SNTG1: variants seen among roughly 807,000 people sequenced by gnomAD.
The protein encoded by SNTG1 is gamma-1-syntrophin.
A neutral mutation model predicts 74.7 loss-of-function variants in SNTG1; 39 were observed. That is an observed-to-expected ratio of 0.52 (90% CI 0.40 to 0.68). SNTG1 has a LOEUF of 0.68. SNTG1 is among the 30% of genes least tolerant of loss of function. SNTG1 has a pLI of 0.00. For missense variants in SNTG1, 685 were observed against 609.5 expected (o/e 1.12, Z -1.30); for synonymous variants, 254 against 217.1 (o/e 1.17, Z -1.49).
chr8:49,976,514 C>T lies in SNTG1; in HGVS notation c.-103+64283C>T, dbSNP rs149373325. On this transcript the variant is annotated intron_variant, in intron 1 of 18. Transcript: ENST00000642720. Reference sequence around the variant, plus strand: ...GATAGGAGGAACAGGAAATAAGAAACAGAAATAGCCTGTGGAGTGTTCCTG... The same window carrying T: ...GATAGGAGGAACAGGAAATAAGAAATAGAAATAGCCTGTGGAGTGTTCCTG... 8.1e-3 allele frequency among the ~76,000 whole-genome samples: 1,230 copies of T among 152,200 alleles called. 8 individuals carry two copies. Among genetic ancestry groups the T allele is most frequent in the Non-Finnish European group, 0.014 (961 of 68,008 alleles).
chr8:50,132,670 C>G (rs1029827120), intron 1 of SNTG1, among the ~76,000 whole-genome samples: 11 of 152,166 alleles, frequency 7.2e-5, no homozygotes, highest in Admixed American at 7.2e-4. Flanking sequence ...CCAAGTAGGT[C>G]CCATTGGACA....
At chr8:50,646,963 G>A (rs565763493) in intron 13 of SNTG1, among the ~76,000 whole-genome samples, 8 of 152,188 alleles carry the variant, frequency 5.3e-5, no homozygotes, top group East Asian at 1.9e-4. Flanking sequence ...AACAAAAAAG[G>A]TGATGTTTTC....
intron 2 of SNTG1, among the ~76,000 whole-genome samples, chr8:50,242,558 T>C (rs1021211304): frequency 2.8e-5 from 4 of 144,082 alleles, no homozygotes; most frequent in Admixed American, 2.1e-4. Flanking sequence ...CACCAGGAAA[T>C]GTATTGTATT....
At chr8:50,011,722 T>C (rs1359782253) in intron 1 of SNTG1, 1 of 152,194 alleles carries the variant, frequency 6.6e-6, no homozygotes, top group Non-Finnish European at 1.5e-5. Context: ...TATCACTGTT[T>C]TAATGTCAAT....
chr8:50,762,619 C>T, intron 18 of SNTG1: 1 of 426,278 alleles, frequency 2.3e-6, no homozygotes, highest in Non-Finnish European at 4.7e-6. Context: ...TATCCTCTCC[C>T]CAGGTGATGC....
chr8:50,736,335 G>A (rs1047034909), intron 17 of SNTG1, among the ~76,000 whole-genome samples: 1 of 151,420 alleles, frequency 6.6e-6, no homozygotes, highest in African/African-American at 2.4e-5. Flanking sequence ...ACAAAGAAGG[G>A]CATTACATAA....
chr8:50,171,200 A>G (rs2131647486), intron 1 of SNTG1, among the ~76,000 whole-genome samples: 1 of 152,262 alleles, frequency 6.6e-6, no homozygotes, highest in East Asian at 1.9e-4. Flanking sequence ...GAGGGACAGG[A>G]CTAATAGGAA....
intron 13 of SNTG1, among the ~76,000 whole-genome samples, chr8:50,624,412 T>A (rs1431463978): frequency 2.0e-5 from 3 of 152,068 alleles, no homozygotes; most frequent in African/African-American, 7.2e-5. Context: ...TCTGCTCATA[T>A]GTCAAGAATT....
chr8:50,649,128 A>G (rs1297276833), intron 13 of SNTG1, among the ~76,000 whole-genome samples: 1 of 152,180 alleles, frequency 6.6e-6, no homozygotes, highest in East Asian at 1.9e-4. Flanking sequence ...TATTGGTGGC[A>G]CAGTTTATTG....
At chr8:50,048,754 A>T (rs969208693) in intron 1 of SNTG1, among the ~76,000 whole-genome samples, 13 of 152,134 alleles carry the variant, frequency 8.5e-5, no homozygotes, top group African/African-American at 2.9e-4. Flanking sequence ...GTTTGACCTT[A>T]TCATTAATAT....
At chr8:50,404,962 A>G (rs2092852972) in intron 4 of SNTG1, among the ~76,000 whole-genome samples, 1 of 152,106 alleles carries the variant, frequency 6.6e-6, no homozygotes, top group Non-Finnish European at 1.5e-5. Context: ...AGGATCATCC[A>G]TGTTGAAGCA....
At chr8:50,576,914 AT>A (rs1400264408) in intron 12 of SNTG1, among the ~76,000 whole-genome samples, 7 of 152,044 alleles carry the variant, frequency 4.6e-5, no homozygotes. Flanking sequence ...TGATAACATT[AT>A]TTTTTCCTTT....
chr8:50,689,078 G>C (rs2095365796), intron 15 of SNTG1, among the ~76,000 whole-genome samples: 1 of 15,868 alleles, frequency 6.3e-5, no homozygotes, highest in Non-Finnish European at 1.1e-4. Flanking sequence ...TGGTGTATAA[G>C]AATGTTTGTG....
chr8:49,986,006 G>T (rs1293550939), intron 1 of SNTG1, among the ~76,000 whole-genome samples: 1 of 152,100 alleles, frequency 6.6e-6, no homozygotes, highest in Non-Finnish European at 1.5e-5. Flanking sequence ...TTATAGAAAA[G>T]TGTTAGAGTT....
At chr8:50,757,670 T>C (rs148982819) in intron 18 of SNTG1, among the ~76,000 whole-genome samples, 120 of 152,080 alleles carry the variant, frequency 7.9e-4, no homozygotes, top group African/African-American at 2.6e-3. Flanking sequence ...ACCACTGATG[T>C]TAAAAATAAT....
chr8:50,640,251 G>T (rs2095063954), intron 13 of SNTG1, among the ~76,000 whole-genome samples: 1 of 152,022 alleles, frequency 6.6e-6, no homozygotes. Context: ...TATACCCCAG[G>T]CTGTTTTCTT....
intron 2 of SNTG1, among the ~76,000 whole-genome samples, chr8:50,206,040 T>G (rs1240591986): frequency 6.6e-6 from 1 of 152,212 alleles, no homozygotes; most frequent in Admixed American, 6.5e-5. Context: ...AGGGTTGACT[T>G]GGCAATGAGG....
rs139345931 is a variant in SNTG1, at chr8:50,711,684, A to G, written c.1284+2706A>G. Among the ~76,000 whole-genome samples, 21 of 152,326 alleles carry G rather than the reference A, an allele frequency of 1.4e-4. No homozygotes were observed. The East Asian group carries it at 1.9e-3, about 14-fold the overall frequency. Reference sequence around the variant, plus strand: ...ACCACCTGTGCTTGGAAGTTCCCAGAGTAAACGATTACCCTTGACTTGCCA... The same window carrying G: ...ACCACCTGTGCTTGGAAGTTCCCAGGGTAAACGATTACCCTTGACTTGCCA... On this transcript the variant is annotated intron_variant, in intron 17 of 18. Transcript: ENST00000642720.
chr8:50,236,379 T>TAAAAAATGTA (rs1563779186), intron 2 of SNTG1, among the ~76,000 whole-genome samples: 1 of 152,048 alleles, frequency 6.6e-6, no homozygotes, highest in African/African-American at 2.4e-5. Context: ...TTCCGGTGCA[T>TAAAAAATGTA]CATTTTTATA....
Sources: gnomAD v4.1 joint callset for allele counts (sites outside exome capture counted in the v4.1 genomes callset) on GRCh38, gnomAD v4.1.1 for gene constraint, MANE v1.5 for transcripts, NCBI Gene and HGNC (gene_info 2026-07-23, HGNC 2026-07-21) for gene names.